The following LPP variants were observed in gnomAD, a reference collection of about 807,000 sequenced individuals.
LPP encodes lipoma-preferred partner.
LPP carries 38 observed loss-of-function variants against 60.4 expected under a neutral mutation model. The ratio of observed to expected loss-of-function variants is 0.63; its 90% CI spans 0.49 to 0.83. The LOEUF (loss-of-function observed/expected upper bound fraction) is 0.83, where lower values mean the gene tolerates loss of function less well. LPP is among the 40% of genes least tolerant of loss of function. The probability of loss-of-function intolerance (pLI) is 0.00; values close to 1 mark genes in which losing one functional copy is unlikely to be tolerated. For synonymous variants in LPP, 328 were observed against 290.8 expected (o/e 1.13, Z -1.30); for missense variants, 902 against 783.6 (o/e 1.15, Z -1.80).
chr3:188,623,857 C>T (rs1477878550), intron 7 of LPP, among the ~76,000 whole-genome samples: 8 of 152,180 alleles, frequency 5.3e-5, no homozygotes, highest in Non-Finnish European at 2.9e-5. Context: ...AGACAATCCT[C>T]CTAGTTGTTT....
chr3:188,399,362 T>TTA lies in LPP; in HGVS notation c.-9-6750_-9-6749insTA, dbSNP rs546696261. Among the ~76,000 whole-genome samples the TTA allele has an allele frequency of 7.4e-5, 11 of 148,806 alleles. 1 individual carries two copies. Among genetic ancestry groups the TTA allele is most frequent in the East Asian group, 2.0e-4 (1 of 5,108 alleles). Reference sequence around the variant, plus strand: ...CTGACTTTTGTATAAAGAGAATGTTTAAAAAAAAAAAACCTTCAAAGTTAT... The same window carrying TTA: ...CTGACTTTTGTATAAAGAGAATGTTTTAAAAAAAAAAAAACCTTCAAAGTTAT... On this transcript the variant is annotated intron_variant, in intron 3 of 11. Coordinates refer to ENST00000617246, the MANE Select transcript of LPP (RefSeq NM_001375462.1).
At chr3:188,530,316 T>A (rs1475075900) in intron 6 of LPP, among the ~76,000 whole-genome samples, 1 of 152,264 alleles carries the variant, frequency 6.6e-6, no homozygotes, top group Non-Finnish European at 1.5e-5. Flanking sequence ...AAATCCTCCA[T>A]GACGCTGCAT....
At chr3:188,179,383 GC>G (rs1334998809) in intron 1 of LPP, 1 of 457,778 alleles carries the variant, frequency 2.2e-6, no homozygotes, top group African/African-American at 2.0e-5. Context: ...TTCATTTCCC[GC>G]CTTGTTCCCA....
chr3:188,674,408 A>G (rs1857561940), intron 7 of LPP, among the ~76,000 whole-genome samples: 1 of 152,100 alleles, frequency 6.6e-6, no homozygotes, highest in Admixed American at 6.6e-5. Context: ...GGAATGTCTT[A>G]GCTTTCCTTC....
chr3:188,404,176 A>G (rs996362019), intron 3 of LPP, among the ~76,000 whole-genome samples: 7 of 152,232 alleles, frequency 4.6e-5, no homozygotes, highest in Middle Eastern at 3.2e-3. Context: ...TCTATACTAT[A>G]AAAAGTACTT....
intron 5 of LPP, among the ~76,000 whole-genome samples, chr3:188,512,487 G>GAT (rs375810753): frequency 1.1e-5 from 1 of 90,248 alleles, no homozygotes; most frequent in Non-Finnish European, 3.1e-5. Flanking sequence ...GGGAGACGGA[G>GAT]GTTTCAATGA....
rs772331181 is a variant in LPP, at chr3:188,217,618, T to C, written c.-189-7787T>C. Among the ~76,000 whole-genome samples, 2 of 152,134 alleles carry C rather than the reference T, an allele frequency of 1.3e-5. No individual in the cohort carries two copies. ...TAGAAGTTGGGCAGGAGAGGTAAGT[T>C]TGGGGCATGTTTGGGAGTGATCGTC... On this transcript the variant is annotated intron_variant, in intron 1 of 11. Coordinates refer to ENST00000617246, the MANE Select transcript of LPP (RefSeq NM_001375462.1). This position sits in a 1 kb window ranked among gnomAD's most constrained non-coding sequence, Gnocchi z 4.0.
intron 6 of LPP, among the ~76,000 whole-genome samples, chr3:188,532,385 A>G (rs145412001): frequency 0.055 from 8,336 of 152,188 alleles, 765 homozygotes; most frequent in African/African-American, 0.19. Flanking sequence ...AGATTGTGCC[A>G]CTGCACTCCA....
chr3:188,509,687 T>TTCCTTCCTTCCTTCCTTCC lies in LPP; in HGVS notation c.307-14978_307-14977insTCCTTCCTTCCTTCCTTCC, dbSNP rs757666151. ...CTTCCTTCCTTCCTTCCTTCCTTCC[T>TTCCTTCCTTCCTTCCTTCC]CTCTCTCTCTCTTTTCTTTTTTTTT... On this transcript the variant is annotated intron_variant, in intron 5 of 11. Coordinates refer to ENST00000617246, the MANE Select transcript of LPP (RefSeq NM_001375462.1). Among the ~76,000 whole-genome samples, 36 of 87,352 alleles carry TTCCTTCCTTCCTTCCTTCC rather than the reference T, an allele frequency of 4.1e-4. 4 individuals carry two copies. Among genetic ancestry groups the TTCCTTCCTTCCTTCCTTCC allele is most frequent in the Non-Finnish European group, 7.7e-4 (33 of 42,684 alleles). 57.3% of individuals were successfully genotyped at this position (87,352 alleles called of 152,430 possible).
At chr3:188,276,649 A>T (rs1577774032) in intron 2 of LPP, among the ~76,000 whole-genome samples, 2 of 138,612 alleles carry the variant, frequency 1.4e-5, no homozygotes, top group African/African-American at 5.5e-5. Flanking sequence ...AGTGTGTGGC[A>T]CCCCCCACCC....
At chr3:188,478,915 G>C (rs1803971093) in intron 4 of LPP, among the ~76,000 whole-genome samples, 1 of 151,868 alleles carries the variant, frequency 6.6e-6, no homozygotes, top group African/African-American at 2.4e-5. Context: ...TACCACGCCT[G>C]GCTAATTTTT....
intron 5 of LPP, among the ~76,000 whole-genome samples, chr3:188,501,512 G>A (rs188485682): frequency 1.2e-4 from 18 of 152,266 alleles, no homozygotes; most frequent in African/African-American, 4.3e-4. Context: ...CACTTTGAGA[G>A]GCCGAGGCGG....
intron 3 of LPP, among the ~76,000 whole-genome samples, chr3:188,345,104 T>G (rs2150715353): frequency 6.6e-6 from 1 of 152,336 alleles, no homozygotes; most frequent in African/African-American, 2.4e-5. Context: ...TGTTTTTGAC[T>G]GATCTTGGAC....
At chr3:188,689,861 A>T (rs1234391006) in intron 7 of LPP, among the ~76,000 whole-genome samples, 1 of 151,854 alleles carries the variant, frequency 6.6e-6, no homozygotes, top group Non-Finnish European at 1.5e-5. Context: ...AGTGAGATAA[A>T]TATTAGTAAT....
chr3:188,786,026 G>A (rs535738295), intron 9 of LPP, among the ~76,000 whole-genome samples: 1 of 152,140 alleles, frequency 6.6e-6, no homozygotes, highest in African/African-American at 2.4e-5. Flanking sequence ...ATTCTGATAG[G>A]TGTGTAGTAA....
At chr3:188,204,823 T>C (rs2149137592) in intron 1 of LPP, among the ~76,000 whole-genome samples, 1 of 152,338 alleles carries the variant, frequency 6.6e-6, no homozygotes, top group African/African-American at 2.4e-5. Flanking sequence ...GTCTTGGGTG[T>C]CACTCTTGGA....
chr3:188,235,652 T>A (rs2149398795), intron 2 of LPP, among the ~76,000 whole-genome samples: 1 of 152,322 alleles, frequency 6.6e-6, no homozygotes, highest in East Asian at 1.9e-4. Flanking sequence ...CCACTTAGCA[T>A]TATTGAAGGA....
chr3:188,205,147 A>G (rs1182977523), intron 1 of LPP, among the ~76,000 whole-genome samples: 1 of 152,204 alleles, frequency 6.6e-6, no homozygotes, highest in African/African-American at 2.4e-5. Flanking sequence ...GCTAATTCTC[A>G]TAAAAGCCTT....
At chr3:188,442,668 G>C (rs1794293016) in intron 4 of LPP, among the ~76,000 whole-genome samples, 1 of 152,108 alleles carries the variant, frequency 6.6e-6, no homozygotes, top group African/African-American at 2.4e-5. Flanking sequence ...GCTTTCTTTT[G>C]CTTTTCTGTT....
Sources: gnomAD v4.1 joint callset for allele counts (sites outside exome capture counted in the v4.1 genomes callset) on GRCh38, gnomAD v4.1.1 for gene constraint, Gnocchi (gnomAD v3.1) non-coding constraint, MANE v1.5 for transcripts, NCBI Gene and HGNC (gene_info 2026-07-23, HGNC 2026-07-21) for gene names.